AGBL1: variants seen among roughly 807,000 people sequenced by gnomAD.
AGBL1 encodes cytosolic carboxypeptidase 4.
AGBL1 carries 130 observed loss-of-function variants against 118.9 expected under a neutral mutation model. The observed-to-expected ratio is 1.09, with a 90% CI of 0.95 to 1.26. AGBL1 has a LOEUF of 1.26. Among genes scored for constraint, AGBL1 ranks in the 50% most tolerant of loss-of-function variants. The probability of loss-of-function intolerance (pLI) is 0.00; values close to 1 mark genes in which losing one functional copy is unlikely to be tolerated. For missense variants in AGBL1, 1,584 were observed against 1,298.1 expected (o/e 1.22, Z -3.38); for synonymous variants, 555 against 478.9 (o/e 1.16, Z -2.08).
Position 86,849,717 on chromosome 15 carries a change from C to G in AGBL1, c.3159-57370C>G, listed in dbSNP as rs556602867. Among the ~76,000 whole-genome samples, 3 of 152,288 alleles carry G rather than the reference C, an allele frequency of 2.0e-5. No homozygotes were observed. The South Asian group carries it at 6.2e-4, about 32-fold the overall frequency. ...AGTGACAGGCATGGCACAGATTATGCCAGGCTTAGTATCTGTGCTCCGCAG... is the reference window on the plus strand; with the variant it reads ...AGTGACAGGCATGGCACAGATTATGGCAGGCTTAGTATCTGTGCTCCGCAG... On this transcript the variant is annotated intron_variant, in intron 22 of 22. Coordinates refer to ENST00000614907, the MANE Select transcript of AGBL1 (RefSeq NM_001386094.1).
Position 86,644,732 on chromosome 15 carries a change from G to A in AGBL1, c.2995-29541G>A, listed in dbSNP as rs902572217. On this transcript the variant is annotated intron_variant, in intron 21 of 22. Coordinates refer to ENST00000614907, the MANE Select transcript of AGBL1 (RefSeq NM_001386094.1). ...TACATTAAAGGAGACGTGGCTGGGC[G>A]TGGTGGCTCACGCCTGTAATCCCAG... 5.9e-5 allele frequency among the ~76,000 whole-genome samples: 9 copies of A among 151,954 alleles called. No individual in the cohort carries two copies. The South Asian group carries it at 1.0e-3, about 18-fold the overall frequency.
intron 1 of AGBL1, among the ~76,000 whole-genome samples, chr15:86,083,928 T>C (rs574391593): frequency 6.6e-6 from 1 of 152,278 alleles, no homozygotes; most frequent in African/African-American, 2.4e-5. Flanking sequence ...ATTTGGACAA[T>C]CAAGGGAAGA....
chr15:87,028,208 G>C (rs943667032), intron 24 of AGBL1, among the ~76,000 whole-genome samples: 16 of 151,880 alleles, frequency 1.1e-4, no homozygotes, highest in African/African-American at 3.9e-4. Context: ...AGTAAGTTGT[G>C]AGATTTCTCT....
chr15:86,226,915 G>T (rs2078374147), intron 6 of AGBL1, among the ~76,000 whole-genome samples: 1 of 152,184 alleles, frequency 6.6e-6, no homozygotes, highest in Non-Finnish European at 1.5e-5. Context: ...CCAGCAGACT[G>T]CAAGCTTTTG....
chr15:86,842,301 T>C (rs975221149), intron 22 of AGBL1, among the ~76,000 whole-genome samples: 2 of 152,132 alleles, frequency 1.3e-5, no homozygotes, highest in African/African-American at 2.4e-5. Context: ...AATGGTGGTA[T>C]AGGAATCACT....
intron 5 of AGBL1, among the ~76,000 whole-genome samples, chr15:86,223,528 T>G (rs1566092): frequency 6.6e-6 from 1 of 152,024 alleles, no homozygotes; most frequent in Non-Finnish European, 1.5e-5. Context: ...TCCACTGTTG[T>G]GAAAACTCTG....
intron 18 of AGBL1, among the ~76,000 whole-genome samples, chr15:86,502,517 T>C (rs1207436215): frequency 6.6e-6 from 1 of 151,270 alleles, no homozygotes; most frequent in Non-Finnish European, 1.5e-5. Context: ...TTCCAAATCT[T>C]GGCAGGAAAA....
chr15:86,201,051 A>T (rs118077447), intron 5 of AGBL1, among the ~76,000 whole-genome samples: 5,748 of 152,328 alleles, frequency 0.038, 141 homozygotes, highest in Non-Finnish European at 0.058. Flanking sequence ...TCATAAGTTT[A>T]TTAAAGTATG....
chr15:86,823,090 A>C (rs1274940108), intron 22 of AGBL1, among the ~76,000 whole-genome samples: 1 of 152,170 alleles, frequency 6.6e-6, no homozygotes, highest in Non-Finnish European at 1.5e-5. Flanking sequence ...GCTCAGGTCA[A>C]CTGCTAGCTT....
At chr15:86,859,514 C>A (rs373522491) in intron 22 of AGBL1, among the ~76,000 whole-genome samples, 35 of 152,288 alleles carry the variant, frequency 2.3e-4, no homozygotes, top group African/African-American at 8.2e-4. Flanking sequence ...AGTACTGTCC[C>A]ATAAATCCAT....
At chr15:86,220,671 G>T (rs1296703645) in intron 5 of AGBL1, among the ~76,000 whole-genome samples, 1 of 152,176 alleles carries the variant, frequency 6.6e-6, no homozygotes, top group Admixed American at 6.5e-5. Context: ...AAATAGATAG[G>T]ATGTGGGCGG....
At position 86,622,262 on chromosome 15, in the gene AGBL1, G is replaced by A. The variant is rs533522177; in HGVS notation, c.2995-52011G>A. 9.2e-5 allele frequency among the ~76,000 whole-genome samples: 14 copies of A among 151,778 alleles called. No individual in the cohort carries two copies. The South Asian group carries it at 1.7e-3, about 18-fold the overall frequency. ...GGAGAATCTCTTGAACCAGGAAGGC[G>A]GAGGTTGCAGTGAGCTGAGATGGCA... On this transcript the variant is annotated intron_variant, in intron 21 of 22. Transcript: ENST00000614907.
intron 18 of AGBL1, among the ~76,000 whole-genome samples, chr15:86,461,681 G>A (rs1223196407): frequency 2.6e-5 from 4 of 151,964 alleles, no homozygotes; most frequent in Admixed American, 6.6e-5. Flanking sequence ...TATAAAACCC[G>A]GAAAATATCT....
At chr15:86,434,241 C>A (rs1176123067) in intron 18 of AGBL1, among the ~76,000 whole-genome samples, 1 of 152,220 alleles carries the variant, frequency 6.6e-6, no homozygotes, top group East Asian at 1.9e-4. Context: ...GTCTCATTTC[C>A]TTTGACCTTT....
intron 17 of AGBL1, among the ~76,000 whole-genome samples, chr15:86,391,236 TAAAA>T (rs918463914): frequency 1.3e-5 from 2 of 151,944 alleles, no homozygotes; most frequent in African/African-American, 2.4e-5. Flanking sequence ...ATAAAACTAA[TAAAA>T]AAGATAGAAA....
intron 23 of AGBL1, among the ~76,000 whole-genome samples, chr15:86,964,031 C>CTCTCTCTCTCTCTCTCTCTG (rs1183866210): frequency 2.1e-5 from 3 of 146,304 alleles, no homozygotes; most frequent in Middle Eastern, 3.5e-3. Context: ...CTCTCTCTCT[C>CTCTCTCTCTCTCTCTCTCTG]TGTGTGTGTG....
rs897407800 is a variant in AGBL1, at chr15:86,758,206, C to A, written c.3158+83770C>A. On this transcript the variant is annotated intron_variant, in intron 22 of 22. Coordinates refer to ENST00000614907, the MANE Select transcript of AGBL1 (RefSeq NM_001386094.1). ...TGTGATACCATAAGACTATTTGTTTCTTGTGCTCCATCTCCAATGGCCTTC... is the reference window on the plus strand; with the variant it reads ...TGTGATACCATAAGACTATTTGTTTATTGTGCTCCATCTCCAATGGCCTTC... Among the ~76,000 whole-genome samples, 8 of 152,052 alleles carry A rather than the reference C, an allele frequency of 5.3e-5. No homozygotes were observed. The East Asian group carries it at 5.8e-4, about 11-fold the overall frequency.
chr15:86,466,784 G>A (rs1177307541), intron 18 of AGBL1, among the ~76,000 whole-genome samples: 1 of 152,130 alleles, frequency 6.6e-6, no homozygotes, highest in African/African-American at 2.4e-5. Context: ...TTTGCTTTAG[G>A]TCCACTCCAG....
intron 19 of AGBL1, among the ~76,000 whole-genome samples, chr15:86,543,545 A>C (rs1280912076): frequency 1.3e-5 from 2 of 152,232 alleles, no homozygotes; most frequent in Non-Finnish European, 2.9e-5. Context: ...AAACTTCTAC[A>C]TCAGGAACTG....
Sources: gnomAD v4.1 joint callset for allele counts (sites outside exome capture counted in the v4.1 genomes callset) on GRCh38, gnomAD v4.1.1 for gene constraint, MANE v1.5 for transcripts, NCBI Gene and HGNC (gene_info 2026-07-23, HGNC 2026-07-21) for gene names.